COL5A1: variants seen among roughly 807,000 people sequenced by gnomAD.
COL5A1 encodes collagen type V alpha 1 chain.
Under a neutral mutation model 263.7 loss-of-function variants are expected in COL5A1, and 16 were observed. The observed-to-expected ratio is 0.06, with a 90% CI of 0.04 to 0.09. The LOEUF is 0.09. Among genes scored for constraint, COL5A1 ranks in the 10% least tolerant of loss-of-function variants. The pLI is 1.00. For synonymous variants in COL5A1, 1,012 were observed against 1,004.5 expected (o/e 1.01, Z -0.14); for missense variants, 2,036 against 2,540.5 (o/e 0.80, Z 4.27).
chr9:134,673,049 T>G (rs1397066286), intron 1 of COL5A1, among the ~76,000 whole-genome samples: 1 of 152,206 alleles, frequency 6.6e-6, no homozygotes, highest in Non-Finnish European at 1.5e-5. Flanking sequence ...ACCATTCTCA[T>G]GGACCAGAAG....
chr9:134,775,044 TC>T (rs1350065933), intron 27 of COL5A1, 132 bp downstream of exon 27: 2 of 849,414 alleles, frequency 2.4e-6, no homozygotes, highest in Non-Finnish European at 3.9e-6. Flanking sequence ...AGCCCAGTCC[TC>T]CCAGTCACTT....
At chr9:134,828,999 C>T (rs1839452337) in intron 63 of COL5A1, among the ~76,000 whole-genome samples, 1 of 151,456 alleles carries the variant, frequency 6.6e-6, no homozygotes, top group African/African-American at 2.5e-5. Flanking sequence ...CATGCACGCG[C>T]ACACACACAC....
intron 25 of COL5A1, among the ~76,000 whole-genome samples, chr9:134,771,910 C>G (rs1836877458): frequency 6.6e-6 from 1 of 152,216 alleles, no homozygotes; most frequent in African/African-American, 2.4e-5. Context: ...TGCTTTTATC[C>G]TGGAAGTTTG....
chr9:134,776,559 G>A (rs1426557317), intron 27 of COL5A1, among the ~76,000 whole-genome samples: 1 of 152,182 alleles, frequency 6.6e-6, no homozygotes, highest in African/African-American at 2.4e-5. Flanking sequence ...TGGTGTCGGC[G>A]CCTCACGAGT....
rs4842151 is a variant in COL5A1, at chr9:134,754,665, C to T, written c.1827+339C>T. ...CGGGCCTTATATATTTCGGGCAGCA[C>T]TGGGACTCCAGAAATGGCCTGATTC... On this transcript the variant is annotated intron_variant, in intron 16 of 65. Transcript: ENST00000371817. This position sits in a 1 kb window ranked among gnomAD's most constrained non-coding sequence, Gnocchi z 4.3. 0.19 allele frequency among the ~76,000 whole-genome samples: 29,150 copies of T among 152,206 alleles called. 3,103 individuals carry two copies. The highest frequency in any genetic ancestry group is 0.35 in the East Asian group (1,793 of 5,176).
chr9:134,752,854 G>C (rs112510123), intron 14 of COL5A1, among the ~76,000 whole-genome samples: 2 of 152,112 alleles, frequency 1.3e-5, no homozygotes, highest in African/African-American at 4.8e-5. Context: ...GTGGGGATGG[G>C]TGACTGTGCC....
Position 134,742,213 on chromosome 9 carries a change from A to G in COL5A1, c.1494+3405A>G, listed in dbSNP as rs1168949829. Among the ~76,000 whole-genome samples, 4 of 151,974 alleles carry G rather than the reference A, an allele frequency of 2.6e-5. No individual in the cohort carries two copies. Among genetic ancestry groups the G allele is most frequent in the Non-Finnish European group, 5.9e-5 (4 of 67,980 alleles). On this transcript the variant is annotated intron_variant, in intron 11 of 65. Transcript: ENST00000371817. The surrounding 1 kb of genome is among the most constrained non-coding windows in gnomAD (Gnocchi z 4.6). Reference sequence around the variant, plus strand: ...GCTGCATCTGCCTTCTAGCACCTCAAATCCTTTCTTGCTCTTGTGCCCACG... The same window carrying G: ...GCTGCATCTGCCTTCTAGCACCTCAGATCCTTTCTTGCTCTTGTGCCCACG...
chr9:134,736,861 C>T (rs776061129), intron 9 of COL5A1, among the ~76,000 whole-genome samples: 6 of 152,234 alleles, frequency 3.9e-5, no homozygotes, highest in South Asian at 4.1e-4. Context: ...AAAGGGGTAG[C>T]AGCCCCGAGG....
intron 4 of COL5A1, 38 bp downstream of exon 4, chr9:134,701,371 G>C: frequency 1.2e-6 from 2 of 1,602,590 alleles, no homozygotes; most frequent in Non-Finnish European, 1.7e-6. Context: ...TGCCCACCAG[G>C]GCACTCCTCC....
intron 64 of COL5A1, among the ~76,000 whole-genome samples, chr9:134,831,573 A>G (rs1156695018): frequency 6.6e-6 from 1 of 152,126 alleles, no homozygotes; most frequent in Non-Finnish European, 1.5e-5. Flanking sequence ...TCAGGCAAGG[A>G]AGGGGCCCTG....
At chr9:134,763,367 C>T (rs1836540553) in intron 19 of COL5A1, among the ~76,000 whole-genome samples, 1 of 152,200 alleles carries the variant, frequency 6.6e-6, no homozygotes. Context: ...GATGCCCTGT[C>T]CTGCCCCAGA....
intron 53 of COL5A1, 106 bp from the exon 54 acceptor site, chr9:134,817,672 G>A (rs1390635475): frequency 6.8e-6 from 7 of 1,024,762 alleles, no homozygotes; most frequent in East Asian, 2.6e-5. Context: ...TCGTCCCTCT[G>A]CCCCTGCAGG....
chr9:134,690,508 C>G (rs970705714), intron 1 of COL5A1, among the ~76,000 whole-genome samples: 1 of 152,226 alleles, frequency 6.6e-6, no homozygotes, highest in East Asian at 1.9e-4. Flanking sequence ...GCTCTCCTTA[C>G]GTGGCCAATG....
At chr9:134,721,277 C>T (rs1834443220) in intron 4 of COL5A1, among the ~76,000 whole-genome samples, 1 of 151,100 alleles carries the variant, frequency 6.6e-6, no homozygotes, top group Admixed American at 6.6e-5. Context: ...ATGGGACCCC[C>T]ATCCAGGGCT....
At position 134,641,815 on chromosome 9, in the gene COL5A1, C is replaced by G; in HGVS notation, c.-373C>G. 4 of 386,814 alleles carry G rather than the reference C, an allele frequency of 1.0e-5. No homozygotes were observed. Among genetic ancestry groups the G allele is most frequent in the Non-Finnish European group, 1.8e-5 (4 of 218,730 alleles). The allele number at this position is 386,814 out of a possible 1,614,324, so 24.0% of individuals were successfully genotyped here. On this transcript the variant is annotated 5_prime_UTR_variant, in exon 1 of 66. Coordinates refer to ENST00000371817, the MANE Select transcript of COL5A1 (RefSeq NM_000093.5). ...CGCCGAAGGCGAGGTCCGCACTCTC[C>G]GTCCCCGCGGCTGGCGCAGGACCTC...
In COL5A1 at chr9:134,678,076, G is replaced by A. The variant is rs563846500; in HGVS notation, c.110-12836G>A. On this transcript the variant is annotated intron_variant, in intron 1 of 65. Transcript: ENST00000371817. The surrounding 1 kb of genome is among the most constrained non-coding windows in gnomAD (Gnocchi z 5.5). ...TCATGGCCCCAGTGCTCTCCCCAGCGTCACTCCCTCCGCAGCAGGGTATCT... is the reference window on the plus strand; with the variant it reads ...TCATGGCCCCAGTGCTCTCCCCAGCATCACTCCCTCCGCAGCAGGGTATCT... Among the ~76,000 whole-genome samples, 15 of 152,318 alleles carry A rather than the reference G, an allele frequency of 9.8e-5. No homozygotes were observed. The highest frequency in any genetic ancestry group is 3.3e-4 in the Admixed American group (5 of 15,304).
intron 1 of COL5A1, among the ~76,000 whole-genome samples, chr9:134,672,572 A>G (rs985941360): frequency 3.9e-5 from 6 of 152,258 alleles, no homozygotes; most frequent in African/African-American, 1.4e-4. Context: ...CATTCATGTA[A>G]AATCCACATA....
At chr9:134,822,042 C>A (rs981817285) in intron 58 of COL5A1, 55 bp from the exon 59 acceptor site, 1 of 1,512,524 alleles carries the variant, frequency 6.6e-7, no homozygotes, top group African/African-American at 1.4e-5. Flanking sequence ...GGGTTGCAGC[C>A]CCGCAGCTCC....
In COL5A1 at chr9:134,825,915, G is replaced by C; in HGVS notation, c.5067+11G>C. 1 of 1,591,152 alleles carries C rather than the reference G, an allele frequency of 6.3e-7. No homozygotes were observed. The highest frequency in any genetic ancestry group is 1.1e-5 in the South Asian group (1 of 90,472). On this transcript the variant is annotated intron_variant, in intron 63 of 65. Transcript: ENST00000371817. ...AAGAAGTCCGAAGGGGTGAGTAGCT[G>C]TGTCCCTCCATGGCCCCAGCGGGGC...
Sources: allele counts gnomAD v4.1 joint callset (sites outside exome capture counted in the v4.1 genomes callset), GRCh38; gene constraint gnomAD v4.1.1; non-coding constraint Gnocchi (gnomAD v3.1); transcripts MANE v1.5; gene names NCBI Gene and HGNC (gene_info 2026-07-23, HGNC 2026-07-21).